The following RAB33A variants were observed in gnomAD, a reference collection of about 807,000 sequenced individuals.
RAB33A encodes ras-related protein Rab-33A.
A neutral mutation model predicts 12.0 loss-of-function variants in RAB33A; 6 were observed. The ratio of observed to expected loss-of-function variants is 0.50; its 90% CI spans 0.27 to 0.99. The LOEUF is 0.99. Among genes scored for constraint, RAB33A ranks in the 50% least tolerant of loss-of-function variants. The pLI, the probability that RAB33A is intolerant of heterozygous loss-of-function variation, is 0.11. For synonymous variants in RAB33A, 70 were observed against 82.4 expected (o/e 0.85, Z 0.81); for missense variants, 109 against 192.0 (o/e 0.57, Z 2.55).
chrX:130,156,209 G>A, the RAB33A span, among the ~76,000 whole-genome samples: 1 of 111,900 alleles, frequency 8.9e-6, no homozygotes, highest in Non-Finnish European at 1.9e-5. Context: ...GGAAAACATA[G>A]TGGCTTTCAA....
chrX:130,138,259 A>T, the RAB33A span, among the ~76,000 whole-genome samples: 1 of 110,709 alleles, frequency 9.0e-6, no homozygotes, highest in Non-Finnish European at 1.9e-5. Flanking sequence ...AGGTCAGGAG[A>T]TCGAGACAGT....
At chrX:130,133,492 A>G in the RAB33A span, 1 of 1,192,870 alleles carries the variant, frequency 8.4e-7, no homozygotes, top group Admixed American at 2.2e-5. Context: ...CACATGATAA[A>G]AAAAAAAAAA....
the RAB33A span, among the ~76,000 whole-genome samples, chrX:130,134,537 T>C: frequency 1.8e-5 from 2 of 111,413 alleles, no homozygotes; most frequent in Non-Finnish European, 3.8e-5. Context: ...GAGACAAAAC[T>C]GACATGGACC....
At chrX:130,170,134 C>T (rs2031589695), upstream of RAB33A, among the ~76,000 whole-genome samples, 1 of 112,160 alleles carries the variant, frequency 8.9e-6, no homozygotes, top group Non-Finnish European at 1.9e-5. Flanking sequence ...AATGGGCGAC[C>T]CACATATATG....
the RAB33A span, among the ~76,000 whole-genome samples, chrX:130,153,307 C>T: frequency 8.3e-5 from 8 of 96,751 alleles, no homozygotes; most frequent in Admixed American, 5.8e-4. Flanking sequence ...TAGCCGAGAT[C>T]GCGCCACTGC....
the RAB33A span, chrX:130,129,674 G>A: frequency 7.4e-5 from 82 of 1,115,134 alleles, no homozygotes; most frequent in East Asian, 1.5e-4. Flanking sequence ...ACTCCATTGC[G>A]TTCAGGCCAT....
upstream of RAB33A, among the ~76,000 whole-genome samples, chrX:130,169,349 A>G: frequency 9.0e-6 from 1 of 111,710 alleles, no homozygotes; most frequent in Non-Finnish European, 1.9e-5. Context: ...AAAGTTAATT[A>G]TATCTGATGG....
the RAB33A span, among the ~76,000 whole-genome samples, chrX:130,121,966 G>A: frequency 1.8e-5 from 2 of 112,144 alleles, no homozygotes; most frequent in African/African-American, 6.5e-5. Context: ...TTCTGCCACT[G>A]AAGGGACAAG....
At chrX:130,134,798 C>T in the RAB33A span, among the ~76,000 whole-genome samples, 1 of 111,766 alleles carries the variant, frequency 8.9e-6, no homozygotes, top group African/African-American at 3.3e-5. Flanking sequence ...AAAAATCCAA[C>T]GAGTGAGCAA....
At chrX:130,111,842 G>A in the RAB33A span, among the ~76,000 whole-genome samples, 1 of 111,926 alleles carries the variant, frequency 8.9e-6, no homozygotes, top group African/African-American at 3.2e-5. Flanking sequence ...CATCAATACC[G>A]CCGCCTACGT....
chrX:130,128,139 G>T, the RAB33A span, among the ~76,000 whole-genome samples: 2 of 111,591 alleles, frequency 1.8e-5, no homozygotes, highest in Non-Finnish European at 3.8e-5. Flanking sequence ...GTTCAGAAGG[G>T]ATTTGGTTGA....
intron 1 of RAB33A, among the ~76,000 whole-genome samples, chrX:130,177,644 C>T (rs1242857296): frequency 9.0e-6 from 1 of 111,644 alleles, no homozygotes; most frequent in African/African-American, 3.3e-5. Context: ...GCATCCCTAC[C>T]TGATTACTAT....
At chrX:130,166,778 A>G in the RAB33A span, among the ~76,000 whole-genome samples, 2 of 112,194 alleles carry the variant, frequency 1.8e-5, no homozygotes, top group African/African-American at 6.5e-5. Context: ...TTTCGACTTT[A>G]TGATGGGTTT....
At chrX:130,182,179 T>TATATATACAC (rs370694549) in intron 1 of RAB33A, among the ~76,000 whole-genome samples, 1 of 72,698 alleles carries the variant, frequency 1.4e-5, no homozygotes. Context: ...TATATATATA[T>TATATATACAC]ATACACATAT....
the RAB33A span, among the ~76,000 whole-genome samples, chrX:130,157,444 T>A: frequency 8.9e-6 from 1 of 112,073 alleles, no homozygotes; most frequent in South Asian, 3.7e-4. Flanking sequence ...ACTATCAACC[T>A]AGAGCAGCAA....
At chrX:130,161,512 A>AG in the RAB33A span, among the ~76,000 whole-genome samples, 1 of 65,504 alleles carries the variant, frequency 1.5e-5, no homozygotes, top group Non-Finnish European at 2.7e-5. Flanking sequence ...CTCTGTTTGA[A>AG]GAAAAAAAAA....
At chrX:130,150,753 C>G in the RAB33A span, among the ~76,000 whole-genome samples, 3,020 of 105,459 alleles carry the variant, frequency 0.029, 99 homozygotes, top group African/African-American at 0.094. Context: ...GGTGGGCAGA[C>G]CACCTGAGGT....
chrX:130,165,740 C>A, the RAB33A span: 1 of 780,896 alleles, frequency 1.3e-6, no homozygotes, highest in South Asian at 2.2e-5. Flanking sequence ...CCCCGGCCAG[C>A]TCCCCCAGTC....
intron 1 of RAB33A, 70 bp downstream of exon 1, chrX:130,172,390 C>A: frequency 2.7e-6 from 3 of 1,117,322 alleles, no homozygotes; most frequent in East Asian, 3.1e-5. Flanking sequence ...ATAGCTCTAG[C>A]GGTTGTCGTC....
Sources: allele counts gnomAD v4.1 joint callset (sites outside exome capture counted in the v4.1 genomes callset), GRCh38; gene constraint gnomAD v4.1.1; transcripts MANE v1.5; gene names NCBI Gene and HGNC (gene_info 2026-07-23, HGNC 2026-07-21).